TRIP11: variants seen among roughly 807,000 people sequenced by gnomAD.
TRIP11 encodes thyroid hormone receptor interactor 11.
In TRIP11, 148 loss-of-function variants were observed where a neutral mutation model predicts 223.1. The ratio of observed to expected loss-of-function variants is 0.66; its 90% CI spans 0.58 to 0.76. The LOEUF (loss-of-function observed/expected upper bound fraction) is 0.76. Among genes scored for constraint, TRIP11 ranks in the 30% least tolerant of loss-of-function variants. The pLI is 0.00. For synonymous variants in TRIP11, 762 were observed against 772.6 expected, an observed-to-expected ratio of 0.99 and a Z score of 0.23; for missense variants, 2,043 against 2,222.0, an observed-to-expected ratio of 0.92 and a Z score of 1.62.
rs1462878351 is a variant in TRIP11 at position 91,969,166 on chromosome 14, C to T, written c.*507G>A. On this transcript the variant is annotated 3_prime_UTR_variant, in exon 21 of 21. Coordinates refer to ENST00000267622, the MANE Select transcript of TRIP11 (RefSeq NM_004239.4). The stretch of plus-strand genomic sequence containing the variant: ...TACTTCACCTCAGGGAACCTATGAC[C>T]TTCCAGCAACAATCTTGTTGGCCTG... 1.6e-5 allele frequency: 4 copies of T among 247,922 alleles called. No individual in the cohort carries two copies. Among genetic ancestry groups the T allele is most frequent in the Admixed American group, 4.9e-5 (1 of 20,278 alleles). 15.4% of individuals were successfully genotyped at this position (247,922 alleles called of 1,614,324 possible). A position where few individuals can be genotyped will look rare whatever the true frequency, so the allele number is the denominator to read the frequency against.
chr14:91,989,934 T>C (rs950024140), intron 15 of TRIP11, among the ~76,000 whole-genome samples: 5 of 152,146 alleles, frequency 3.3e-5, no homozygotes, highest in African/African-American at 1.2e-4. Flanking sequence ...CCTGGCTGCC[T>C]GTGGACAACA....
Position 92,005,410 on chromosome 14 carries a change from C to T in TRIP11, c.2566G>A (p.Gly856Arg). Residue 856 changes from glycine (G) to arginine (R), a missense_variant, in exon 11 of 21, where the codon GGA becomes AGA. Coordinates refer to ENST00000267622, the MANE Select transcript of TRIP11 (RefSeq NM_004239.4). ...QTIEEKDRSLGSMKEENNHLQ... is the reference protein window; with the variant it reads ...QTIEEKDRSLRSMKEENNHLQ... Reference sequence around the variant, plus strand: ...TGATTATTTTCCTCTTTCATGGATCCAAGACTTCGGTCTTTTTCCTCTATG... The same window carrying T: ...TGATTATTTTCCTCTTTCATGGATCTAAGACTTCGGTCTTTTTCCTCTATG... The T allele has an allele frequency of 6.2e-7, 1 of 1,614,060 alleles. No individual in the cohort carries two copies. Among genetic ancestry groups the T allele is most frequent in the Non-Finnish European group, 8.5e-7 (1 of 1,180,024 alleles).
At chr14:92,024,513 C>T (rs907167079) in intron 3 of TRIP11, among the ~76,000 whole-genome samples, 4 of 152,064 alleles carry the variant, frequency 2.6e-5, no homozygotes, top group African/African-American at 9.7e-5. Flanking sequence ...ACTTTCAAAA[C>T]CTATGTATAT....
At position 92,005,736 on chromosome 14, in the gene TRIP11, G is replaced by A; in HGVS notation, c.2240C>T (p.Ser747Leu). 6.2e-7 allele frequency: 1 copy of A among 1,614,020 alleles called. No homozygotes were observed. Among genetic ancestry groups the A allele is most frequent in the Non-Finnish European group, 8.5e-7 (1 of 1,180,018 alleles). ...NKYEKTIEEL[S>L]NARNLNTSAL... ...AGAGGTATTCAAATTACGTGCATTT[G>A]ACAGTTCTTCAATGGTTTTCTCATA... Residue 747 changes from serine to leucine, a missense_variant, in exon 11 of 21, where the codon TCA (serine) becomes TTA (leucine). Ser to Leu is a moderately radical substitution (Grantham distance 145, BLOSUM62 -2). Coordinates refer to ENST00000267622, the MANE Select transcript of TRIP11 (RefSeq NM_004239.4).
chr14:92,011,483 C>CAAAAAAAAA (rs200967942), intron 8 of TRIP11, among the ~76,000 whole-genome samples: 1 of 42,470 alleles, frequency 2.4e-5, no homozygotes. Flanking sequence ...GACTCCGTCT[C>CAAAAAAAAA]AAAAAAAAAA....
rs1045878749 is a variant in TRIP11, at chr14:91,976,250, T to C, written c.5261-61A>G. The C allele has an allele frequency of 7.9e-6, 11 of 1,392,388 alleles. No homozygotes were observed. In the African/African-American group the frequency reaches 1.4e-4, roughly 18 times the overall value. 86.3% of individuals were successfully genotyped at this position (1,392,388 alleles called of 1,614,324 possible). ...CTGATTAAAATAGTCTGGATGACTA[T>C]ATAATGAAATTTATGAGATCTTTAT... On this transcript the variant is annotated intron_variant, in intron 16 of 20. Transcript: ENST00000267622.
chr14:91,970,282 G>A (rs138809400), intron 20 of TRIP11, among the ~76,000 whole-genome samples: 2,016 of 152,048 alleles, frequency 0.013, 30 homozygotes, highest in African/African-American at 0.045. Context: ...GCATGGTGGC[G>A]GGCGCCTGTA....
chr14:92,009,436 G>A (rs76858848), intron 9 of TRIP11, among the ~76,000 whole-genome samples: 3,106 of 152,162 alleles, frequency 0.02, 121 homozygotes, highest in African/African-American at 0.072. Flanking sequence ...CAGCTATCAG[G>A]ACAAGCTACA....
chr14:92,021,388 CAAAA>C (rs35038594), intron 4 of TRIP11, among the ~76,000 whole-genome samples, 164 bp downstream of exon 4: 10 of 109,518 alleles, frequency 9.1e-5, no homozygotes, highest in Admixed American at 1.1e-4. Flanking sequence ...GATTCTGTCT[CAAAA>C]AAAAAAAAAA....
chr14:91,985,848 G>A (rs1466321909), intron 16 of TRIP11, among the ~76,000 whole-genome samples: 1 of 152,130 alleles, frequency 6.6e-6, no homozygotes, highest in Admixed American at 6.5e-5. Context: ...CGATTCTTTT[G>A]AAACAAGTGA....
chr14:92,011,051 T>A lies in TRIP11; in HGVS notation c.1249A>T (p.Asn417Tyr), dbSNP rs1374562805. 5.0e-6 allele frequency: 8 copies of A among 1,614,080 alleles called. No individual in the cohort carries two copies. The highest frequency in any genetic ancestry group is 1.3e-5 in the African/African-American group (1 of 75,042). The change falls in exon 9 of 21, where the codon AAT (asparagine) becomes TAT (tyrosine). Residue 417 changes from asparagine to tyrosine, a missense_variant. Physicochemically the swap from Asn to Tyr is moderately radical, Grantham distance 143. Transcript: ENST00000267622. ...LNQDNSLAED[N>Y]LKLKMRIEVL... is the part of the protein sequence containing the mutation. ...TCGATACGCATTTTAAGTTTCAGATTGTCTTCAGCAAGACTGTTATCCTAC... is the reference window on the plus strand; with the variant it reads ...TCGATACGCATTTTAAGTTTCAGATAGTCTTCAGCAAGACTGTTATCCTAC...
chr14:92,008,231 C>T (rs17733882), intron 9 of TRIP11, among the ~76,000 whole-genome samples: 11,497 of 152,204 alleles, frequency 0.076, 579 homozygotes, highest in Admixed American at 0.14. Flanking sequence ...CCAAAATGTC[C>T]GCAAGTCTTT....
intron 4 of TRIP11, among the ~76,000 whole-genome samples, chr14:92,021,297 G>C (rs2057110885): frequency 6.6e-6 from 1 of 151,008 alleles, no homozygotes; most frequent in Admixed American, 6.6e-5. Context: ...GCTGAGGCAG[G>C]AGAATCACTG....
rs749773482 is a variant in TRIP11 at position 92,007,747 on chromosome 14, G to A, written c.1420C>T (p.Leu474Phe). 6.2e-7 allele frequency: 1 copy of A among 1,613,634 alleles called. No individual in the cohort carries two copies. The highest frequency in any genetic ancestry group is 2.2e-5 in the East Asian group (1 of 44,804). Residue 474 changes from leucine to phenylalanine, a missense_variant, in exon 10 of 21, where the codon CTT (leucine) becomes TTT (phenylalanine). Transcript: ENST00000267622. ...TCTTGTTCCTTTGCCTCCAAATTAA[G>A]TCTTAAGTCATGTAATTCTGAATCC... ...SLDSELHDLR[L>F]NLEAKEQELN...
rs1188016195 is a variant in TRIP11 at position 91,971,468 on chromosome 14, A to G, written c.5719+1249T>C. On this transcript the variant is annotated intron_variant, in intron 20 of 20. Transcript: ENST00000267622. ...TCACCAGCTTTTGTATCCTATCAAT[A>G]CAAATCAGGCTGGGCACTGGACTTG... 2.0e-5 allele frequency among the ~76,000 whole-genome samples: 3 copies of G among 152,152 alleles called. No individual in the cohort carries two copies. In the East Asian group the frequency reaches 5.8e-4, roughly 29 times the overall value.
chr14:92,000,295 T>C lies in TRIP11; in HGVS notation c.4558-187A>G, dbSNP rs56066883. On this transcript the variant is annotated intron_variant, in intron 11 of 20. Coordinates refer to ENST00000267622, the MANE Select transcript of TRIP11 (RefSeq NM_004239.4). The stretch of plus-strand genomic sequence containing the variant: ...AACGTAGTTAACTATGTCAAAGTCA[T>C]GAAAAACCAAAAAAGTCAGAGAATC... Among the ~76,000 whole-genome samples, 1,804 of 152,148 alleles carry C rather than the reference T, an allele frequency of 0.012. 43 individuals carry two copies. The highest frequency in any genetic ancestry group is 0.041 in the African/African-American group (1,700 of 41,528).
intron 19 of TRIP11, among the ~76,000 whole-genome samples, chr14:91,973,457 C>T (rs1331850281): frequency 6.6e-6 from 1 of 152,072 alleles, no homozygotes; most frequent in Non-Finnish European, 1.5e-5. Flanking sequence ...TTTTTCTTGC[C>T]ATCAATGAAT....
At position 92,003,928 on chromosome 14, in the gene TRIP11, C is replaced by A; in HGVS notation, c.4048G>T (p.Glu1350Ter). 6.2e-7 allele frequency: 1 copy of A among 1,614,138 alleles called. No individual in the cohort carries two copies. Among genetic ancestry groups the A allele is most frequent in the South Asian group, 1.1e-5 (1 of 91,084 alleles). ...ESSELLQQEL[E>*]ELRKSLQEKD... ...TCCTGTAGTGATTTTCTTAGCTCTT[C>A]TAACTCTTGCTGAAGCAATTCAGAA... The change falls in exon 11 of 21, where the codon GAA (glutamate) becomes TAA (stop). Residue 1350 changes from glutamate (E) to a stop codon, truncating the protein, a stop_gained. Transcript: ENST00000267622. LOFTEE classifies it high-confidence loss of function.
chr14:92,021,702 A>T lies in TRIP11; in HGVS notation c.442T>A (p.Tyr148Asn). ...PATTASSSFA[Y>N]GISHHPSAFH... is the part of the protein sequence containing the mutation. Reference sequence around the variant, plus strand: ...GCTGAAGGATGATGACTAATCCCATAAGCGAATGAAGATGATGCAGTGGTT... The same window carrying T: ...GCTGAAGGATGATGACTAATCCCATTAGCGAATGAAGATGATGCAGTGGTT... Residue 148 changes from tyrosine to asparagine, a missense_variant, in exon 4 of 21, where the codon TAT becomes AAT. By Grantham distance (143) the Tyr-to-Asn change is moderately radical. Coordinates refer to ENST00000267622, the MANE Select transcript of TRIP11 (RefSeq NM_004239.4). 1 of 1,614,190 alleles carries T rather than the reference A, an allele frequency of 6.2e-7. No individual in the cohort carries two copies. Among genetic ancestry groups the T allele is most frequent in the Non-Finnish European group, 8.5e-7 (1 of 1,180,030 alleles).
Sources: gnomAD v4.1 joint callset for allele counts (sites outside exome capture counted in the v4.1 genomes callset) on GRCh38, gnomAD v4.1.1 for gene constraint, MANE v1.5 for transcripts, NCBI Gene and HGNC (gene_info 2026-07-23, HGNC 2026-07-21) for gene names.